Variants in TNFAIP2 observed in about 807,000 individuals in gnomAD.
The protein encoded by TNFAIP2 is TNF alpha induced protein 2.
In TNFAIP2, 47 loss-of-function variants were observed where a neutral mutation model predicts 63.5. The ratio of observed to expected loss-of-function variants is 0.74; its 90% CI spans 0.59 to 0.94. The LOEUF is 0.94. TNFAIP2 is among the 40% of genes least tolerant of loss of function. The probability of loss-of-function intolerance (pLI) is 0.00; values close to 1 mark genes in which losing one functional copy is unlikely to be tolerated. For synonymous variants in TNFAIP2, 405 were observed against 390.2 expected (o/e 1.04, Z -0.45); for missense variants, 787 against 850.2 (o/e 0.93, Z 0.92).
At chr14:103,122,476 G>A (rs1891147798), upstream of TNFAIP2, 4 of 349,702 alleles carry the variant, frequency 1.1e-5, no homozygotes, top group Admixed American at 1.4e-4. Context: ...TAAATGTCTG[G>A]GTCCTTTCCA....
At chr14:103,133,081 T>C (rs914095048) in intron 9 of TNFAIP2, among the ~76,000 whole-genome samples, 3 of 152,076 alleles carry the variant, frequency 2.0e-5, no homozygotes, top group African/African-American at 7.2e-5. Context: ...CACACACATG[T>C]GAATGCACGA....
In TNFAIP2 at chr14:103,127,668, G is replaced by A. The variant is rs1165291227; in HGVS notation, c.860+39G>A. ...GGGCTGGGCCCGGGCCGGCAGGGAG[G>A]GTGTCCTCTGTAGGAGGGGTGTCGA... is the stretch of plus-strand genomic sequence containing the variant. On this transcript the variant is annotated intron_variant, in intron 3 of 11. Transcript: ENST00000560869. This position sits in a 1 kb window ranked among gnomAD's most constrained non-coding sequence, Gnocchi z 5.1. 7.0e-7 allele frequency: 1 copy of A among 1,433,778 alleles called. No individual in the cohort carries two copies. 88.8% of individuals were successfully genotyped at this position (1,433,778 alleles called of 1,614,324 possible).
rs1052725611 is a variant in TNFAIP2 at position 103,136,866 on chromosome 14, G to C, written c.*1506G>C. ...TGCGCCTACCCAGAGAACCCAGGTC[G>C]TCTTTCTATTTTCAGGTCAGCTGAT... On this transcript the variant is annotated 3_prime_UTR_variant, in exon 12 of 12. Transcript: ENST00000560869. The C allele has an allele frequency of 6.6e-6, 1 of 152,190 alleles. No homozygotes were observed. The highest frequency in any genetic ancestry group is 2.4e-5 in the African/African-American group (1 of 41,440). 9.4% of individuals were successfully genotyped at this position (152,190 alleles called of 1,614,324 possible). A position where few individuals can be genotyped will look rare whatever the true frequency, so the allele number is the denominator to read the frequency against.
At chr14:103,132,651 A>G (rs2088000382) in intron 8 of TNFAIP2, 99 bp from the exon 9 acceptor site, 2 of 1,515,374 alleles carry the variant, frequency 1.3e-6, no homozygotes, top group African/African-American at 2.9e-5. Context: ...CACCAGGCAC[A>G]TGTGTCGGTG....
chr14:103,134,346 CCATT>C (rs1431669490), intron 11 of TNFAIP2, among the ~76,000 whole-genome samples: 1 of 152,204 alleles, frequency 6.6e-6, no homozygotes, highest in African/African-American at 2.4e-5. Context: ...TCCATTCCAC[CCATT>C]CATTCATTCA....
rs1566964566 is a variant in TNFAIP2 at position 103,131,346 on chromosome 14, G to A, written c.1298+196G>A. ...GCTGGCTGGGGCAAGCACACAGGCA[G>A]ATGTTTCACCCATTATCTTATCCTT... On this transcript the variant is annotated intron_variant, in intron 7 of 11. Coordinates refer to ENST00000560869, the MANE Select transcript of TNFAIP2 (RefSeq NM_006291.4). This position sits in a 1 kb window ranked among gnomAD's most constrained non-coding sequence, Gnocchi z 4.0. Among the ~76,000 whole-genome samples the A allele has an allele frequency of 6.6e-6, 1 of 152,214 alleles. No homozygotes were observed. Among genetic ancestry groups the A allele is most frequent in the Non-Finnish European group, 1.5e-5 (1 of 68,038 alleles).
chr14:103,136,355 CCTT>C lies in TNFAIP2; in HGVS notation c.*998_*1000del, dbSNP rs2088095551. 1 of 168,910 alleles carries C rather than the reference CCTT, an allele frequency of 5.9e-6. No homozygotes were observed. Among genetic ancestry groups the C allele is most frequent in the South Asian group, 1.3e-4 (1 of 7,728 alleles). The allele number at this position is 168,910 out of a possible 1,614,324, so 10.5% of individuals were successfully genotyped here. On this transcript the variant is annotated 3_prime_UTR_variant, in exon 12 of 12. Coordinates refer to ENST00000560869, the MANE Select transcript of TNFAIP2 (RefSeq NM_006291.4). ...ATCTGGGTGTCGGCAGTCCTGCACT[CCTT>C]CTGGAGGCTCTAGGGGAGAATTCAT...
chr14:103,132,857 G>A lies in TNFAIP2; in HGVS notation c.1530G>A (p.Gln510=). ...GGCTGCCTGAGTTCTCAGAGCTGCA[G>A]GGCTGTTTCCGGGAGGTGAGGAGGC... ...DTRLPEFSEL[Q]GCFREELMEA... is the part of the protein sequence containing the mutation. The change falls in exon 9 of 12, where the codon CAG becomes CAA. Residue 510 remains glutamine, a synonymous_variant. Transcript: ENST00000560869. The A allele has an allele frequency of 6.2e-7, 1 of 1,613,976 alleles. No homozygotes were observed. Among genetic ancestry groups the A allele is most frequent in the East Asian group, 2.2e-5 (1 of 44,874 alleles).
rs2087867521 is a variant in TNFAIP2 at position 103,126,987 on chromosome 14, G to A, written c.236-18G>A. Reference sequence around the variant, plus strand: ...GCGGTGGGCTGGGGCCGGGGCTGACGCGGCTTTCCCGGCGCAGTGGAGGAG... The same window carrying A: ...GCGGTGGGCTGGGGCCGGGGCTGACACGGCTTTCCCGGCGCAGTGGAGGAG... On this transcript the variant is annotated intron_variant, in intron 2 of 11. Transcript: ENST00000560869. 1.6e-6 allele frequency: 2 copies of A among 1,229,766 alleles called. No individual in the cohort carries two copies. The highest frequency in any genetic ancestry group is 2.0e-6 in the Non-Finnish European group (2 of 983,850). The allele number at this position is 1,229,766 out of a possible 1,614,324, so 76.2% of individuals were successfully genotyped here.
In TNFAIP2 at chr14:103,130,398, G is replaced by A. The variant is rs755091816; in HGVS notation, c.1182G>A (p.Leu394=). The A allele has an allele frequency of 6.4e-7, 1 of 1,565,034 alleles. No homozygotes were observed. Among genetic ancestry groups the A allele is most frequent in the African/African-American group, 1.3e-5 (1 of 74,102 alleles). Residue 394 remains leucine (L), a synonymous_variant, in exon 6 of 12, where the codon CTG becomes CTA. Transcript: ENST00000560869. Reference sequence around the variant, plus strand: ...TAAAGCGGGTGCTGCTGGTGGAGCTGCCTGCGTTCCTGAGGAGGTGGGTGT... The same window carrying A: ...TAAAGCGGGTGCTGCTGGTGGAGCTACCTGCGTTCCTGAGGAGGTGGGTGT... ...SQIKRVLLVE[L]PAFLRSYQRA... is the part of the protein sequence containing the mutation.
Position 103,127,168 on chromosome 14 carries a change from C to T in TNFAIP2, c.399C>T (p.Arg133=), listed in dbSNP as rs1330952164. Residue 133 remains arginine, a synonymous_variant, in exon 3 of 12, where the codon CGC becomes CGT. Transcript: ENST00000560869. This position sits in a 1 kb window ranked among gnomAD's most constrained non-coding sequence, Gnocchi z 5.1. ...TGGAGGCGCTGTACGAGCTGCTGCG[C>T]GACCAGGTGCTGGGCGTGCTGCGGC... The part of the protein sequence containing the change: ...SKVEALYELL[R]DQVLGVLRRP... 11 of 1,119,058 alleles carry T rather than the reference C, an allele frequency of 9.8e-6. No individual in the cohort carries two copies. The East Asian group carries it at 1.7e-4, about 18-fold the overall frequency. 69.3% of individuals were successfully genotyped at this position (1,119,058 alleles called of 1,614,324 possible). A position where few individuals can be genotyped will look rare whatever the true frequency, so the allele number is the denominator to read the frequency against.
chr14:103,126,397 C>G lies in TNFAIP2; in HGVS notation c.-61C>G. 1 of 1,282,074 alleles carries G rather than the reference C, an allele frequency of 7.8e-7. No individual in the cohort carries two copies. Among genetic ancestry groups the G allele is most frequent in the South Asian group, 1.5e-5 (1 of 66,516 alleles). 79.4% of individuals were successfully genotyped at this position (1,282,074 alleles called of 1,614,324 possible). A position where few individuals can be genotyped will look rare whatever the true frequency, so the allele number is the denominator to read the frequency against. ...GCCATCAGCCTGTGCCAGGCACCCT[C>G]GACTTGCCTAGAGGCCCCCAAAAGT... On this transcript the variant is annotated 5_prime_UTR_variant, in exon 2 of 12. Coordinates refer to ENST00000560869, the MANE Select transcript of TNFAIP2 (RefSeq NM_006291.4).
At chr14:103,129,881 G>GGCAGGGAGGC in intron 4 of TNFAIP2, 27 bp downstream of exon 4, 56 of 1,610,056 alleles carry the variant, frequency 3.5e-5, no homozygotes, top group Non-Finnish European at 4.6e-5. Context: ...GCCAGGGAGG[G>GGCAGGGAGGC]GCAGGGAGGC....
At chr14:103,122,746 T>C (rs1280720193), upstream of TNFAIP2, 1 of 455,946 alleles carries the variant, frequency 2.2e-6, no homozygotes, top group Admixed American at 2.3e-5. Flanking sequence ...TCCGGCAGCC[T>C]GTGGGTCCAG....
At position 103,131,612 on chromosome 14, in the gene TNFAIP2, G is replaced by T; in HGVS notation, c.1299-27G>T. On this transcript the variant is annotated intron_variant, in intron 7 of 11. Transcript: ENST00000560869. This position sits in a 1 kb window ranked among gnomAD's most constrained non-coding sequence, Gnocchi z 4.0. The stretch of plus-strand genomic sequence containing the variant: ...GGGGCTATAGGCTGAGCAGGGCTGG[G>T]GTGACCTCTCTGCCTCCACCTTCCA... The T allele has an allele frequency of 1.3e-6, 2 of 1,573,942 alleles. No homozygotes were observed. The highest frequency in any genetic ancestry group is 1.7e-6 in the Non-Finnish European group (2 of 1,166,150).
chr14:103,129,997 T>C lies in TNFAIP2; in HGVS notation c.976-5T>C. 6.2e-7 allele frequency: 1 copy of C among 1,611,322 alleles called. No homozygotes were observed. The highest frequency in any genetic ancestry group is 8.5e-7 in the Non-Finnish European group (1 of 1,179,766). Reference sequence around the variant, plus strand: ...TGCCCCAGTGACCTGCCCCTCCTCCTCCAGGCCAATGTGAGGGAGTTGATG... The same window carrying C: ...TGCCCCAGTGACCTGCCCCTCCTCCCCCAGGCCAATGTGAGGGAGTTGATG... On this transcript the variant is annotated splice_polypyrimidine_tract_variant and splice_region_variant and intron_variant, in intron 4 of 11. Coordinates refer to ENST00000560869, the MANE Select transcript of TNFAIP2 (RefSeq NM_006291.4).
chr14:103,122,872 A>C (rs562388550), upstream of TNFAIP2: 711 of 454,812 alleles, frequency 1.6e-3, 1 homozygote, highest in Non-Finnish European at 1.9e-3. Flanking sequence ...TTCCGCATTT[A>C]CGCATTTCAA....
chr14:103,126,646 G>A lies in TNFAIP2; in HGVS notation c.189G>A (p.Glu63=), dbSNP rs1395565050. The change falls in exon 2 of 12, where the codon GAG becomes GAA. Residue 63 remains glutamate (E), a synonymous_variant. Transcript: ENST00000560869. ...KKGQPSSAEP[E]DAAGSRQGLD... ...GTCAGCCCAGCTCAGCGGAGCCCGAGGACGCAGCCGGGTCCAGGCAGGGGC... is the reference window on the plus strand; with the variant it reads ...GTCAGCCCAGCTCAGCGGAGCCCGAAGACGCAGCCGGGTCCAGGCAGGGGC... 6.4e-7 allele frequency: 1 copy of A among 1,555,618 alleles called. No homozygotes were observed. The highest frequency in any genetic ancestry group is 8.7e-7 in the Non-Finnish European group (1 of 1,149,286).
At chr14:103,132,658 G>T in intron 8 of TNFAIP2, 92 bp from the exon 9 acceptor site, 1 of 1,520,350 alleles carries the variant, frequency 6.6e-7, no homozygotes. Context: ...CACATGTGTC[G>T]GTGTGTGTCT....
Sources: allele counts gnomAD v4.1 joint callset (sites outside exome capture counted in the v4.1 genomes callset), GRCh38; gene constraint gnomAD v4.1.1; non-coding constraint Gnocchi (gnomAD v3.1); transcripts MANE v1.5; gene names NCBI Gene and HGNC (gene_info 2026-07-23, HGNC 2026-07-21).